Variants in PROX1 observed in about 807,000 individuals in gnomAD.
The protein encoded by PROX1 is prospero homeobox protein 1.
PROX1 carries 7 observed loss-of-function variants against 58.8 expected under a neutral mutation model. The observed-to-expected ratio is 0.12, with a 90% CI of 0.07 to 0.22. The LOEUF is 0.22. PROX1 is among the 10% of genes least tolerant of loss of function. The pLI, the probability that PROX1 is intolerant of heterozygous loss-of-function variation, is 1.00. For synonymous variants in PROX1, 350 were observed against 358.3 expected, an observed-to-expected ratio of 0.98 and a Z score of 0.26; for missense variants, 675 against 927.8, an observed-to-expected ratio of 0.73 and a Z score of 3.54.
intron 4 of PROX1, among the ~76,000 whole-genome samples, chr1:214,021,123 G>A (rs1250746517): frequency 1.3e-5 from 2 of 152,184 alleles, no homozygotes; most frequent in Non-Finnish European, 2.9e-5. Context: ...ACCTGTCATT[G>A]AATCATTTTT....
At chr1:213,987,356 T>C (rs375913365), upstream of PROX1, 1 of 151,914 alleles carries the variant, frequency 6.6e-6, no homozygotes, top group African/African-American at 2.4e-5. Flanking sequence ...ACACGTATCC[T>C]TGACACTACC....
rs147219363 is a variant in PROX1 at position 214,011,796 on chromosome 1, C to A, written c.2028+81C>A. 958 of 1,266,146 alleles carry A rather than the reference C, an allele frequency of 7.6e-4. 7 individuals are homozygous for A. The African/African-American group carries it at 0.012, about 16-fold the overall frequency. The allele number at this position is 1,266,146 out of a possible 1,614,324, so 78.4% of individuals were successfully genotyped here. On this transcript the variant is annotated intron_variant, in intron 4 of 4. Coordinates refer to ENST00000366958, the MANE Select transcript of PROX1 (RefSeq NM_001270616.2). ...ATTTTCTTTAGAAATGTACCCAAAT[C>A]TGTTTTTGTGTTGGTTTCGCATACA...
chr1:213,992,734 T>C (rs1383657700), intron 1 of PROX1, among the ~76,000 whole-genome samples: 2 of 152,146 alleles, frequency 1.3e-5, no homozygotes, highest in African/African-American at 2.4e-5. Context: ...GTCTGAACTA[T>C]CTGGATAATT....
intron 1 of PROX1, among the ~76,000 whole-genome samples, chr1:213,994,750 A>AAT (rs66460564): frequency 0.022 from 1,922 of 86,752 alleles, 27 homozygotes; most frequent in Non-Finnish European, 0.027. Context: ...CAAGCATGCA[A>AAT]ATATATATAT....
intron 2 of PROX1, among the ~76,000 whole-genome samples, chr1:214,000,529 A>G (rs1663466675): frequency 6.6e-6 from 1 of 152,202 alleles, no homozygotes; most frequent in Non-Finnish European, 1.5e-5. Flanking sequence ...GCTCACACTC[A>G]GAATTGTTTC....
chr1:214,003,491 C>G (rs1441698976), intron 2 of PROX1, among the ~76,000 whole-genome samples: 1 of 152,152 alleles, frequency 6.6e-6, no homozygotes, highest in Non-Finnish European at 1.5e-5. Context: ...TCAGCCCTCT[C>G]CTTGGCACAA....
intron 1 of PROX1, among the ~76,000 whole-genome samples, chr1:213,994,033 A>G (rs1663134365): frequency 6.6e-6 from 1 of 152,178 alleles, no homozygotes; most frequent in Non-Finnish European, 1.5e-5. Context: ...TGGCTCCAGC[A>G]TGGGGCAGGG....
rs1424356057 is a variant in PROX1, at chr1:214,040,499, G to T, written c.*4665G>T. ...AAAATATTTTAAAATTGTATATTAC[G>T]ACTTCAAATTTAGAACTAAGAAAAA... On this transcript the variant is annotated 3_prime_UTR_variant, in exon 5 of 5. Coordinates refer to ENST00000366958, the MANE Select transcript of PROX1 (RefSeq NM_001270616.2). 1 of 151,922 alleles carries T rather than the reference G, an allele frequency of 6.6e-6. No homozygotes were observed. Among genetic ancestry groups the T allele is most frequent in the Admixed American group, 6.6e-5 (1 of 15,254 alleles). The allele number at this position is 151,922 out of a possible 1,614,324, so 9.4% of individuals were successfully genotyped here.
At chr1:213,991,391 G>A (rs1181262137) in intron 1 of PROX1, among the ~76,000 whole-genome samples, 1 of 152,076 alleles carries the variant, frequency 6.6e-6, no homozygotes, top group Non-Finnish European at 1.5e-5. Flanking sequence ...CATTTATTCT[G>A]TAGACTTCAA....
upstream of PROX1, among the ~76,000 whole-genome samples, chr1:213,986,572 CT>C (rs1662830944): frequency 6.6e-6 from 1 of 152,040 alleles, no homozygotes; most frequent in Non-Finnish European, 1.5e-5. Flanking sequence ...TGTAACACAC[CT>C]CATAAATACC....
At chr1:213,991,787 A>G (rs1291131922) in intron 1 of PROX1, among the ~76,000 whole-genome samples, 3 of 152,222 alleles carry the variant, frequency 2.0e-5, no homozygotes, top group African/African-American at 7.2e-5. Flanking sequence ...TGAATGTCTT[A>G]TATCATTTTA....
chr1:214,032,395 CTT>C (rs1242482866), intron 4 of PROX1, among the ~76,000 whole-genome samples: 7 of 145,282 alleles, frequency 4.8e-5, no homozygotes, highest in African/African-American at 7.5e-5. Flanking sequence ...TTTTAAACTT[CTT>C]TTTTTTTTTT....
intron 4 of PROX1, among the ~76,000 whole-genome samples, chr1:214,032,928 T>C (rs372805709): frequency 2.5e-4 from 38 of 152,266 alleles, no homozygotes; most frequent in African/African-American, 8.4e-4. Flanking sequence ...TGACGAACTA[T>C]AAAAATGATG....
chr1:214,008,369 A>T (rs1431782762), intron 3 of PROX1, among the ~76,000 whole-genome samples: 1 of 152,080 alleles, frequency 6.6e-6, no homozygotes, highest in Admixed American at 6.6e-5. Flanking sequence ...TATTTTATTT[A>T]GTGATCATAA....
Position 214,036,010 on chromosome 1 carries a change from T to G in PROX1, c.*176T>G, listed in dbSNP as rs1272404366. On this transcript the variant is annotated 3_prime_UTR_variant, in exon 5 of 5. Transcript: ENST00000366958. Reference sequence around the variant, plus strand: ...TCTCTCATTTTCTTTTGTTTTCCATTGCAAGGGGATGGTTGTTTTCTTTCT... The same window carrying G: ...TCTCTCATTTTCTTTTGTTTTCCATGGCAAGGGGATGGTTGTTTTCTTTCT... 2 of 525,186 alleles carry G rather than the reference T, an allele frequency of 3.8e-6. No individual in the cohort carries two copies. Among genetic ancestry groups the G allele is most frequent in the Non-Finnish European group, 6.2e-6 (2 of 324,252 alleles). 32.5% of individuals were successfully genotyped at this position (525,186 alleles called of 1,614,324 possible).
intron 4 of PROX1, among the ~76,000 whole-genome samples, chr1:214,032,204 A>T (rs1389034139): frequency 6.6e-6 from 1 of 152,158 alleles, no homozygotes; most frequent in Non-Finnish European, 1.5e-5. Context: ...AAATAGTAGA[A>T]ATTGCTGAAA....
chr1:214,016,481 A>C (rs759263733), intron 4 of PROX1, among the ~76,000 whole-genome samples: 3 of 152,154 alleles, frequency 2.0e-5, no homozygotes, highest in Non-Finnish European at 4.4e-5. Flanking sequence ...CTGCTGTTGC[A>C]GTCTTTTGGC....
chr1:214,021,181 C>G (rs973976747), intron 4 of PROX1, among the ~76,000 whole-genome samples: 3 of 152,196 alleles, frequency 2.0e-5, no homozygotes, highest in Non-Finnish European at 4.4e-5. Context: ...CCCAGTTGCC[C>G]ACCATTATGG....
At chr1:214,024,441 T>C (rs1273712323) in intron 4 of PROX1, among the ~76,000 whole-genome samples, 4 of 152,018 alleles carry the variant, frequency 2.6e-5, no homozygotes, top group African/African-American at 9.7e-5. Flanking sequence ...TTATTTGGGG[T>C]GTCATAAGCT....
Sources: allele counts gnomAD v4.1 joint callset (sites outside exome capture counted in the v4.1 genomes callset), GRCh38; gene constraint gnomAD v4.1.1; transcripts MANE v1.5; gene names NCBI Gene and HGNC (gene_info 2026-07-23, HGNC 2026-07-21).